ZBTB46: variants seen among roughly 807,000 people sequenced by gnomAD.
ZBTB46 encodes the protein zinc finger and BTB domain-containing protein 46.
A neutral mutation model predicts 44.1 loss-of-function variants in ZBTB46; 8 were observed. That is an observed-to-expected ratio of 0.18 (90% CI 0.11 to 0.33). The LOEUF (loss-of-function observed/expected upper bound fraction) is 0.33. Ranked by LOEUF, ZBTB46 falls within the 10% of genes least tolerant of loss-of-function variation. ZBTB46 has a pLI of 1.00. For synonymous variants in ZBTB46, 409 were observed against 382.3 expected (o/e 1.07, Z -0.81); for missense variants, 651 against 847.7 (o/e 0.77, Z 2.88).
chr20:63,765,075 G>A (rs1013586977), intron 3 of ZBTB46, among the ~76,000 whole-genome samples: 6 of 150,992 alleles, frequency 4.0e-5, no homozygotes, highest in African/African-American at 1.5e-4. Flanking sequence ...GTGCATGTGT[G>A]CGTGTGCATG....
intron 1 of ZBTB46, among the ~76,000 whole-genome samples, chr20:63,811,661 C>A (rs1325994014): frequency 6.6e-6 from 1 of 152,034 alleles, no homozygotes; most frequent in Non-Finnish European, 1.5e-5. Flanking sequence ...CTGAGCTGGG[C>A]GACGGGCCAG....
At chr20:63,780,503 T>A (rs558884035) in intron 2 of ZBTB46, among the ~76,000 whole-genome samples, 1 of 151,796 alleles carries the variant, frequency 6.6e-6, no homozygotes, top group African/African-American at 2.4e-5. Flanking sequence ...AGAAAAACCA[T>A]AGGAGAAAGT....
At chr20:63,769,357 C>G (rs1308065777) in intron 3 of ZBTB46, 22 of 985,306 alleles carry the variant, frequency 2.2e-5, no homozygotes, top group Non-Finnish European at 2.5e-5. Flanking sequence ...GTTCTGCCAT[C>G]AGCGACCCTC....
At chr20:63,829,149 T>C (rs892181283) in intron 1 of ZBTB46, among the ~76,000 whole-genome samples, 7 of 152,108 alleles carry the variant, frequency 4.6e-5, no homozygotes, top group Admixed American at 6.5e-5. Context: ...CACCAGGGGC[T>C]GGGGAGGGAC....
chr20:63,814,998 G>A (rs6062324), intron 1 of ZBTB46: 32,652 of 160,742 alleles, frequency 0.2, 3,486 homozygotes, highest in Middle Eastern at 0.33. Context: ...AGCCCAGGAC[G>A]TCGAGGCTGC....
intron 1 of ZBTB46, among the ~76,000 whole-genome samples, chr20:63,828,483 A>G (rs1322127959): frequency 2.0e-5 from 3 of 152,174 alleles, no homozygotes; most frequent in Non-Finnish European, 2.9e-5. Flanking sequence ...AGGGGAGGGG[A>G]CAGATTCAAA....
At chr20:63,772,757 A>ACC (rs1601433294) in intron 3 of ZBTB46, among the ~76,000 whole-genome samples, 3 of 50,678 alleles carry the variant, frequency 5.9e-5, no homozygotes, top group East Asian at 2.0e-3. Context: ...ACACACACAC[A>ACC]CACACACACA....
chr20:63,790,994 G>A (rs939093381), intron 1 of ZBTB46: 11 of 635,562 alleles, frequency 1.7e-5, no homozygotes, highest in Admixed American at 3.3e-5. Context: ...GCACCAGTGC[G>A]TCCAGGGTGG....
In ZBTB46 at chr20:63,752,303, G is replaced by A. The variant is rs2092175499; in HGVS notation, c.1398+383C>T. ...AGTGCTGAGCTCCAGGGTGGGCGCG[G>A]TGGGTGCAGACAGGTCGGCAGGCAC... On this transcript the variant is annotated intron_variant, in intron 4 of 4. Coordinates refer to ENST00000245663, the MANE Select transcript of ZBTB46 (RefSeq NM_001369741.1). This position sits in a 1 kb window ranked among gnomAD's most constrained non-coding sequence, Gnocchi z 5.6. Among the ~76,000 whole-genome samples the A allele has an allele frequency of 6.6e-6, 1 of 152,138 alleles. No individual in the cohort carries two copies. The highest frequency in any genetic ancestry group is 1.9e-4 in the East Asian group (1 of 5,174).
intron 2 of ZBTB46, among the ~76,000 whole-genome samples, chr20:63,779,627 A>G (rs1329041402): frequency 1.3e-5 from 2 of 151,892 alleles, no homozygotes; most frequent in East Asian, 3.9e-4. Flanking sequence ...TCACCGTGTT[A>G]GCCAAGATGG....
chr20:63,794,574 G>A (rs534019230), intron 1 of ZBTB46, among the ~76,000 whole-genome samples: 24 of 152,328 alleles, frequency 1.6e-4, no homozygotes, highest in African/African-American at 3.4e-4. Context: ...CCAGAACAGG[G>A]AAGTTCTAGG....
chr20:63,750,982 A>G (rs1184271179), intron 4 of ZBTB46, among the ~76,000 whole-genome samples: 1 of 152,228 alleles, frequency 6.6e-6, no homozygotes, highest in East Asian at 1.9e-4. Context: ...AACAGGATCA[A>G]AACGTTTACT....
At chr20:63,833,177 G>A (rs2092860434), upstream of ZBTB46, among the ~76,000 whole-genome samples, 1 of 152,196 alleles carries the variant, frequency 6.6e-6, no homozygotes. Flanking sequence ...GCAGCTGCCT[G>A]GCGGAACACA....
chr20:63,818,194 G>C (rs941021019), intron 1 of ZBTB46, among the ~76,000 whole-genome samples: 1 of 152,230 alleles, frequency 6.6e-6, no homozygotes, highest in Non-Finnish European at 1.5e-5. Flanking sequence ...GGGCGCTGGG[G>C]TGAGAGCCAC....
rs6062306 is a variant in ZBTB46, at chr20:63,745,636, C to T, written c.*1294G>A. 1 of 152,328 alleles carries T rather than the reference C, an allele frequency of 6.6e-6. No homozygotes were observed. The highest frequency in any genetic ancestry group is 1.5e-5 in the Non-Finnish European group (1 of 68,076). The allele number at this position is 152,328 out of a possible 1,614,324, so 9.4% of individuals were successfully genotyped here. A position where few individuals can be genotyped will look rare whatever the true frequency, so the allele number is the denominator to read the frequency against. ...GAAGGCACAGCACCGCAGTGGTGGC[C>T]TGTGCCAGAGGAGGGGGTGAAGGAT... On this transcript the variant is annotated 3_prime_UTR_variant, in exon 5 of 5. Coordinates refer to ENST00000245663, the MANE Select transcript of ZBTB46 (RefSeq NM_001369741.1).
At chr20:63,805,787 G>A (rs57498343) in intron 1 of ZBTB46, among the ~76,000 whole-genome samples, 26,900 of 149,300 alleles carry the variant, frequency 0.18, 2,919 homozygotes, top group East Asian at 0.45. Flanking sequence ...ACGGAGTCTC[G>A]CTCTGTCGCC....
At position 63,798,637 on chromosome 20, in the gene ZBTB46, T is replaced by A. The variant is rs539710559; in HGVS notation, c.-33-7847A>T. Among the ~76,000 whole-genome samples, 124 of 123,148 alleles carry A rather than the reference T, an allele frequency of 1.0e-3. 1 individual carries two copies. Among genetic ancestry groups the A allele is most frequent in the Non-Finnish European group, 3.0e-4 (19 of 63,126 alleles). 80.8% of individuals were successfully genotyped at this position (123,148 alleles called of 152,430 possible). A position where few individuals can be genotyped will look rare whatever the true frequency, so the allele number is the denominator to read the frequency against. ...TTGCAGTGAGCCAAGATCATGCCAC[T>A]GCACTCCAGCCTGGCCAACAGAGCT... On this transcript the variant is annotated intron_variant, in intron 1 of 4. Coordinates refer to ENST00000245663, the MANE Select transcript of ZBTB46 (RefSeq NM_001369741.1).
chr20:63,807,174 ACTTTT>A (rs554438206), intron 1 of ZBTB46, among the ~76,000 whole-genome samples: 255 of 152,252 alleles, frequency 1.7e-3, no homozygotes, highest in African/African-American at 5.9e-3. Context: ...ACAGAGATGG[ACTTTT>A]CTTTTGTTGG....
At chr20:63,801,507 T>C (rs1168441707) in intron 1 of ZBTB46, among the ~76,000 whole-genome samples, 1 of 152,190 alleles carries the variant, frequency 6.6e-6, no homozygotes, top group African/African-American at 2.4e-5. Flanking sequence ...CAACCAGCAG[T>C]GGCAACTTGC....
Sources: gnomAD v4.1 joint callset for allele counts (sites outside exome capture counted in the v4.1 genomes callset) on GRCh38, gnomAD v4.1.1 for gene constraint, Gnocchi (gnomAD v3.1) non-coding constraint, MANE v1.5 for transcripts, NCBI Gene and HGNC (gene_info 2026-07-23, HGNC 2026-07-21) for gene names.